DLGAP4: variants seen among roughly 807,000 people sequenced by gnomAD.
DLGAP4 encodes the protein DLG associated protein 4.
DLGAP4 carries 18 observed loss-of-function variants against 86.9 expected under a neutral mutation model. The observed-to-expected ratio is 0.21, with a 90% CI of 0.14 to 0.31. The LOEUF is 0.31. Among genes scored for constraint, DLGAP4 ranks in the 10% least tolerant of loss-of-function variants. The probability of loss-of-function intolerance (pLI) is 1.00; values close to 1 mark genes in which losing one functional copy is unlikely to be tolerated. For synonymous variants in DLGAP4, 548 were observed against 574.3 expected, an observed-to-expected ratio of 0.95 and a Z score of 0.65; for missense variants, 1,085 against 1,362.6, an observed-to-expected ratio of 0.80 and a Z score of 3.21.
Position 36,349,418 on chromosome 20 carries a change from C to CA in DLGAP4, c.-303-17611dup, listed in dbSNP as rs578216334. ...GGGTGACAGAGCAAGACTCCATCTC[C>CA]AAAAAAAAAAAAAAAAGTGAGATGG... On this transcript the variant is annotated intron_variant, in intron 1 of 12. Coordinates refer to ENST00000339266, the MANE Select transcript of DLGAP4 (RefSeq NM_001365621.2). Among the ~76,000 whole-genome samples the CA allele has an allele frequency of 8.4e-3, 776 of 91,898 alleles. 20 individuals are homozygous for CA. Among genetic ancestry groups the CA allele is most frequent in the African/African-American group, 0.023 (531 of 23,480 alleles). 60.3% of individuals were successfully genotyped at this position (91,898 alleles called of 152,430 possible).
At chr20:36,411,060 A>G (rs2032483425) in intron 2 of DLGAP4, among the ~76,000 whole-genome samples, 1 of 152,106 alleles carries the variant, frequency 6.6e-6, no homozygotes, top group African/African-American at 2.4e-5. Context: ...GGATGATCTC[A>G]GCTCACTGCA....
At chr20:36,513,287 G>A (rs549215590) in intron 10 of DLGAP4, among the ~76,000 whole-genome samples, 18 of 151,768 alleles carry the variant, frequency 1.2e-4, no homozygotes, top group Admixed American at 3.9e-4. Context: ...GGTGGCTCAC[G>A]CCTGTAATCC....
chr20:36,485,079 T>C (rs903636381), intron 7 of DLGAP4, among the ~76,000 whole-genome samples: 3 of 152,194 alleles, frequency 2.0e-5, no homozygotes, highest in Non-Finnish European at 4.4e-5. Flanking sequence ...TTCTATGTGC[T>C]GGGAATATTC....
At position 36,496,692 on chromosome 20, in the gene DLGAP4, C is replaced by T. The variant is rs1394500719; in HGVS notation, c.1649-13C>T. ...TCTCACCTCTCCCCTGCCCTTCTCT[C>T]ATCCATCTGCAGGTTCATCATGCCT... On this transcript the variant is annotated splice_polypyrimidine_tract_variant and intron_variant, in intron 7 of 12. Transcript: ENST00000339266. The T allele has an allele frequency of 6.3e-7, 1 of 1,591,728 alleles. No individual in the cohort carries two copies. The highest frequency in any genetic ancestry group is 1.1e-5 in the South Asian group (1 of 89,676).
intron 7 of DLGAP4, among the ~76,000 whole-genome samples, chr20:36,496,008 G>A (rs2035870724): frequency 6.6e-6 from 1 of 152,118 alleles, no homozygotes; most frequent in African/African-American, 2.4e-5. Flanking sequence ...GAGTAGCTGG[G>A]ATTACAGGCA....
intron 2 of DLGAP4, among the ~76,000 whole-genome samples, chr20:36,376,626 G>A (rs1265991516): frequency 4.6e-5 from 7 of 152,158 alleles, no homozygotes; most frequent in Non-Finnish European, 7.3e-5. Flanking sequence ...CAAGGGGAGA[G>A]AGAGAGTTAG....
At chr20:36,499,261 G>T in intron 8 of DLGAP4, 1 of 1,613,550 alleles carries the variant, frequency 6.2e-7, no homozygotes, top group East Asian at 2.2e-5. Flanking sequence ...AGAAGGAACG[G>T]TTCCCACCTC....
intron 1 of DLGAP4, among the ~76,000 whole-genome samples, chr20:36,339,575 TGA>T (rs1569462277): frequency 6.6e-6 from 1 of 152,240 alleles, no homozygotes; most frequent in African/African-American, 2.4e-5. Flanking sequence ...TTGTAGAGAC[TGA>T]GTTTTGCTCC....
At chr20:36,474,936 A>G (rs2034842978) in intron 7 of DLGAP4, among the ~76,000 whole-genome samples, 2 of 152,174 alleles carry the variant, frequency 1.3e-5, no homozygotes. Flanking sequence ...AATAAACAGG[A>G]TACTGTCTAA....
intron 3 of DLGAP4, among the ~76,000 whole-genome samples, chr20:36,434,222 C>T (rs746260295): frequency 8.6e-5 from 13 of 150,876 alleles, no homozygotes; most frequent in Admixed American, 8.6e-4. Flanking sequence ...GGATTACTGA[C>T]GTGAGCCACT....
intron 2 of DLGAP4, among the ~76,000 whole-genome samples, chr20:36,374,511 C>A (rs2031075738): frequency 1.3e-5 from 2 of 152,166 alleles, no homozygotes; most frequent in Non-Finnish European, 2.9e-5. Flanking sequence ...AGGGTAAGAA[C>A]TTGGACTTGA....
At chr20:36,525,553 C>A (rs1352485041) in intron 11 of DLGAP4, 7 of 463,530 alleles carry the variant, frequency 1.5e-5, no homozygotes, top group Admixed American at 3.3e-5. Flanking sequence ...TGGCCAAGAA[C>A]TTCTGTTTCT....
intron 2 of DLGAP4, among the ~76,000 whole-genome samples, chr20:36,392,375 TG>T (rs534428683): frequency 8.5e-5 from 13 of 152,144 alleles, no homozygotes; most frequent in Non-Finnish European, 1.9e-4. Flanking sequence ...TTGCTTGTTT[TG>T]GGGGGTATTT....
chr20:36,413,589 GT>G (rs1217549334), intron 2 of DLGAP4, among the ~76,000 whole-genome samples: 51 of 139,138 alleles, frequency 3.7e-4, no homozygotes, highest in South Asian at 4.7e-4. Context: ...CTAATTTTTT[GT>G]TTTTTTTTTT....
rs1555889538 is a variant in DLGAP4, at chr20:36,306,875, C to G, written c.-304+363C>G. ...ACCCCATATCAAGCGGCTGCCAAAG[C>G]CTGGAAGCCCCCTCCTCAGGCCCGC... On this transcript the variant is annotated intron_variant, in intron 1 of 12. Transcript: ENST00000339266. This position sits in a 1 kb window ranked among gnomAD's most constrained non-coding sequence, Gnocchi z 4.9. Among the ~76,000 whole-genome samples the G allele has an allele frequency of 6.6e-6, 1 of 152,192 alleles. No individual in the cohort carries two copies. The highest frequency in any genetic ancestry group is 1.5e-5 in the Non-Finnish European group (1 of 68,018).
At chr20:36,433,658 T>TC (rs1490706126) in intron 3 of DLGAP4, among the ~76,000 whole-genome samples, 1 of 152,050 alleles carries the variant, frequency 6.6e-6, no homozygotes, top group Non-Finnish European at 1.5e-5. Context: ...TCTTTTTTTT[T>TC]TTTTTAGACA....
At chr20:36,523,434 A>G (rs1039598921) in intron 10 of DLGAP4, among the ~76,000 whole-genome samples, 1 of 152,200 alleles carries the variant, frequency 6.6e-6, no homozygotes, top group Non-Finnish European at 1.5e-5. Flanking sequence ...AGACTTCTAC[A>G]TTTATGTTAG....
chr20:36,354,755 C>G (rs1339958362), intron 1 of DLGAP4, among the ~76,000 whole-genome samples: 1 of 152,044 alleles, frequency 6.6e-6, no homozygotes, highest in Non-Finnish European at 1.5e-5. Context: ...AGTGAGACCC[C>G]CCTCATCTCT....
chr20:36,403,885 C>A (rs1451905132), intron 2 of DLGAP4, among the ~76,000 whole-genome samples: 1 of 152,184 alleles, frequency 6.6e-6, no homozygotes, highest in Non-Finnish European at 1.5e-5. Flanking sequence ...GGCAGGAGGC[C>A]ACGTGGACCA....
Sources: gnomAD v4.1 joint callset for allele counts (sites outside exome capture counted in the v4.1 genomes callset) on GRCh38, gnomAD v4.1.1 for gene constraint, Gnocchi (gnomAD v3.1) non-coding constraint, MANE v1.5 for transcripts, NCBI Gene and HGNC (gene_info 2026-07-23, HGNC 2026-07-21) for gene names.